The following SHC3 variants were observed in gnomAD, a reference collection of about 807,000 sequenced individuals.
The protein encoded by SHC3 is SHC-transforming protein 3.
SHC3 carries 15 observed loss-of-function variants against 60.4 expected under a neutral mutation model. The observed-to-expected ratio is 0.25, with a 90% CI of 0.17 to 0.38. The LOEUF (loss-of-function observed/expected upper bound fraction) is 0.38. SHC3 is among the 10% of genes least tolerant of loss of function. SHC3 has a pLI of 1.00. For missense variants in SHC3, 677 were observed against 786.1 expected (o/e 0.86, Z 1.66); for synonymous variants, 294 against 325.9 (o/e 0.90, Z 1.05).
At chr9:89,158,132 G>A (rs892948103) in intron 1 of SHC3, among the ~76,000 whole-genome samples, 2 of 151,474 alleles carry the variant, frequency 1.3e-5, no homozygotes, top group African/African-American at 4.9e-5. Flanking sequence ...TCTAAGGTAA[G>A]CATTTGGTGC....
At chr9:89,129,226 G>C (rs370211591) in intron 1 of SHC3, among the ~76,000 whole-genome samples, 1 of 152,094 alleles carries the variant, frequency 6.6e-6, no homozygotes, top group Admixed American at 6.6e-5. Context: ...AAAAAGAAAT[G>C]AACAAAGCCT....
At chr9:89,126,667 A>C (rs2118153929) in intron 1 of SHC3, among the ~76,000 whole-genome samples, 1 of 152,262 alleles carries the variant, frequency 6.6e-6, no homozygotes, top group Non-Finnish European at 1.5e-5. Context: ...TGATGCAGGG[A>C]ATATTTTTCT....
intron 6 of SHC3, among the ~76,000 whole-genome samples, chr9:89,063,561 G>A (rs1427806844): frequency 6.6e-6 from 1 of 152,188 alleles, no homozygotes; most frequent in African/African-American, 2.4e-5. Flanking sequence ...GAGGGATGAA[G>A]GGGCCACTTG....
intron 1 of SHC3, among the ~76,000 whole-genome samples, chr9:89,130,726 A>G (rs1467995560): frequency 2.6e-5 from 4 of 152,252 alleles, no homozygotes; most frequent in South Asian, 2.1e-4. Flanking sequence ...ACGAGAACAA[A>G]GACGCAACAT....
At chr9:89,125,243 T>A (rs1467908652) in intron 1 of SHC3, among the ~76,000 whole-genome samples, 1 of 152,190 alleles carries the variant, frequency 6.6e-6, no homozygotes, top group Non-Finnish European at 1.5e-5. Context: ...CAGTCAAGTG[T>A]GAGATCTGCC....
rs1337234388 is a variant in SHC3, at chr9:89,008,152, T to G, written c.*5295A>C. ...ATAAAATGTGCCAGTTTTAAAACTG[T>G]GCATTTGTTGCTTGCAAACTTATAA... is the stretch of plus-strand genomic sequence containing the variant. On this transcript the variant is annotated 3_prime_UTR_variant, in exon 12 of 12. Transcript: ENST00000375835. 1 of 152,248 alleles carries G rather than the reference T, an allele frequency of 6.6e-6. No individual in the cohort carries two copies. Among genetic ancestry groups the G allele is most frequent in the Non-Finnish European group, 1.5e-5 (1 of 68,048 alleles). 9.4% of individuals were successfully genotyped at this position (152,248 alleles called of 1,614,324 possible).
intron 2 of SHC3, among the ~76,000 whole-genome samples, chr9:89,097,617 C>T (rs1479092702): frequency 6.6e-6 from 1 of 152,140 alleles, no homozygotes; most frequent in Non-Finnish European, 1.5e-5. Context: ...TTAGTCATTC[C>T]CCTGGATTCC....
chr9:89,146,287 G>A (rs911023429), intron 1 of SHC3, among the ~76,000 whole-genome samples: 2 of 151,896 alleles, frequency 1.3e-5, no homozygotes, highest in African/African-American at 4.8e-5. Context: ...AACCTGGGAG[G>A]CGGAGGTTGC....
Position 89,007,196 on chromosome 9 carries a change from C to T in SHC3, c.*6251G>A, listed in dbSNP as rs919186182. The T allele has an allele frequency of 4.6e-5, 7 of 152,368 alleles. No individual in the cohort carries two copies. Among genetic ancestry groups the T allele is most frequent in the Middle Eastern group, 3.4e-3 (1 of 296 alleles). The allele number at this position is 152,368 out of a possible 1,614,324, so 9.4% of individuals were successfully genotyped here. ...TGGGATCACCTCCCGCCCCTTCTAGCATCTCTACTGAGAGTGACAACTCCA... is the reference window on the plus strand; with the variant it reads ...TGGGATCACCTCCCGCCCCTTCTAGTATCTCTACTGAGAGTGACAACTCCA... On this transcript the variant is annotated 3_prime_UTR_variant, in exon 12 of 12. Coordinates refer to ENST00000375835, the MANE Select transcript of SHC3 (RefSeq NM_016848.6).
intron 1 of SHC3, among the ~76,000 whole-genome samples, chr9:89,175,703 A>C (rs1236385543): frequency 6.6e-6 from 1 of 152,174 alleles, no homozygotes; most frequent in Non-Finnish European, 1.5e-5. Context: ...CCAAACCCTA[A>C]ACCTTTATAT....
At chr9:89,059,676 G>GAC (rs1825039172) in intron 6 of SHC3, among the ~76,000 whole-genome samples, 1 of 150,494 alleles carries the variant, frequency 6.6e-6, no homozygotes, top group Non-Finnish European at 1.5e-5. Flanking sequence ...CGTGGTGGAG[G>GAC]ATGGTGGTGG....
At chr9:89,130,385 G>GA (rs1281626156) in intron 1 of SHC3, among the ~76,000 whole-genome samples, 2 of 152,136 alleles carry the variant, frequency 1.3e-5, no homozygotes, top group Non-Finnish European at 2.9e-5. Flanking sequence ...GGATATCCAG[G>GA]AATTGAACTC....
intron 1 of SHC3, among the ~76,000 whole-genome samples, chr9:89,139,596 G>A (rs1587748583): frequency 6.6e-6 from 1 of 152,240 alleles, no homozygotes; most frequent in East Asian, 1.9e-4. Flanking sequence ...GATAACTTGG[G>A]GCTCCTGGGC....
In SHC3 at chr9:89,121,518, G is replaced by A. The variant is rs181835780; in HGVS notation, c.475-8892C>T. 9.2e-4 allele frequency among the ~76,000 whole-genome samples: 140 copies of A among 152,208 alleles called. 4 individuals carry two copies. The South Asian group carries it at 0.027, about 29-fold the overall frequency. On this transcript the variant is annotated intron_variant, in intron 1 of 11. Coordinates refer to ENST00000375835, the MANE Select transcript of SHC3 (RefSeq NM_016848.6). ...TTGGTCAGGCTGGTCTTAAACTCCCGACCTCAGGAGATCTGCCCACCTTGG... is the reference window on the plus strand; with the variant it reads ...TTGGTCAGGCTGGTCTTAAACTCCCAACCTCAGGAGATCTGCCCACCTTGG...
At chr9:89,027,937 C>G (rs1826348684) in intron 11 of SHC3, among the ~76,000 whole-genome samples, 1 of 152,200 alleles carries the variant, frequency 6.6e-6, no homozygotes, top group African/African-American at 2.4e-5. Flanking sequence ...GCCTGCAGCT[C>G]CCGCTGCTCC....
At chr9:89,065,604 T>C in intron 5 of SHC3, 24 bp from the exon 6 acceptor site, 1 of 1,613,084 alleles carries the variant, frequency 6.2e-7, no homozygotes, top group Non-Finnish European at 8.5e-7. Flanking sequence ...AAGAGATGTC[T>C]ATGTCACTAA....
At chr9:89,076,566 G>C (rs1043282292) in intron 3 of SHC3, among the ~76,000 whole-genome samples, 3 of 151,898 alleles carry the variant, frequency 2.0e-5, no homozygotes, top group African/African-American at 7.2e-5. Context: ...CCTAATCCAG[G>C]CTTTTTTTTT....
chr9:89,140,744 G>T (rs774737145), intron 1 of SHC3, among the ~76,000 whole-genome samples: 1 of 152,062 alleles, frequency 6.6e-6, no homozygotes, highest in Non-Finnish European at 1.5e-5. Flanking sequence ...CCAAAACAGG[G>T]TCCGTGGCAC....
chr9:89,048,409 A>C lies in SHC3; in HGVS notation c.963-1415T>G, dbSNP rs529146793. Among the ~76,000 whole-genome samples, 27 of 152,322 alleles carry C rather than the reference A, an allele frequency of 1.8e-4. No individual in the cohort carries two copies. The South Asian group carries it at 5.4e-3, about 30-fold the overall frequency. On this transcript the variant is annotated intron_variant, in intron 7 of 11. Transcript: ENST00000375835. ...ATCTTGAAAACATTCTTCTAAGTGA[A>C]AGAAGCCAGATACATACAGTATGAT... is the stretch of plus-strand genomic sequence containing the variant.
Sources: allele counts gnomAD v4.1 joint callset (sites outside exome capture counted in the v4.1 genomes callset), GRCh38; gene constraint gnomAD v4.1.1; transcripts MANE v1.5; gene names NCBI Gene and HGNC (gene_info 2026-07-23, HGNC 2026-07-21).